Variants in NHSL1 observed in about 807,000 individuals in gnomAD.
The protein encoded by NHSL1 is NHS like 1.
A neutral mutation model predicts 95.0 loss-of-function variants in NHSL1; 48 were observed. That is an observed-to-expected ratio of 0.51 (90% CI 0.40 to 0.64). The LOEUF is 0.64. Among genes scored for constraint, NHSL1 ranks in the 30% least tolerant of loss-of-function variants. The pLI is 0.00. For synonymous variants in NHSL1, 783 were observed against 833.9 expected (o/e 0.94, Z 1.05); for missense variants, 1,971 against 2,077.7 (o/e 0.95, Z 1.00).
intron 1 of NHSL1, among the ~76,000 whole-genome samples, chr6:138,680,551 T>C (rs1785499753): frequency 6.6e-6 from 1 of 152,224 alleles, no homozygotes; most frequent in African/African-American, 2.4e-5. Context: ...AGAAAATGCC[T>C]ACTTTTAAAT....
chr6:138,667,890 G>A (rs1330492415), intron 1 of NHSL1, among the ~76,000 whole-genome samples: 1 of 152,156 alleles, frequency 6.6e-6, no homozygotes, highest in Non-Finnish European at 1.5e-5. Context: ...ATATCTGAGG[G>A]TTAGGACTAC....
At chr6:138,609,365 G>A (rs948017975) in intron 1 of NHSL1, among the ~76,000 whole-genome samples, 3 of 152,140 alleles carry the variant, frequency 2.0e-5, no homozygotes, top group East Asian at 1.9e-4. Flanking sequence ...TGGGGCTCAC[G>A]CACAGCCCAA....
intron 3 of NHSL1, among the ~76,000 whole-genome samples, chr6:138,470,378 T>G (rs1778673916): frequency 6.6e-6 from 1 of 152,088 alleles, no homozygotes; most frequent in South Asian, 2.1e-4. Context: ...TAGCCTTGAC[T>G]TCCCGGGCTT....
At chr6:138,591,051 GA>G (rs1784216799) in intron 1 of NHSL1, among the ~76,000 whole-genome samples, 1 of 152,102 alleles carries the variant, frequency 6.6e-6, no homozygotes. Flanking sequence ...CTCCTCTCAA[GA>G]AAAAGAACAG....
rs1775159019 is a variant in NHSL1 at position 138,424,890 on chromosome 6, C to T, written c.4086-74G>A. 5.0e-6 allele frequency: 6 copies of T among 1,189,348 alleles called. No individual in the cohort carries two copies. The highest frequency in any genetic ancestry group is 7.0e-6 in the Non-Finnish European group (6 of 857,554). The allele number at this position is 1,189,348 out of a possible 1,614,324, so 73.7% of individuals were successfully genotyped here. A position where few individuals can be genotyped will look rare whatever the true frequency, so the allele number is the denominator to read the frequency against. On this transcript the variant is annotated intron_variant, in intron 7 of 7. Transcript: ENST00000343505. This position sits in a 1 kb window ranked among gnomAD's most constrained non-coding sequence, Gnocchi z 5.9. Reference sequence around the variant, plus strand: ...GGCTGTCAGCCACAACCACTCTGCTCTTATCGCATCTTCAGGTCACCATCT... The same window carrying T: ...GGCTGTCAGCCACAACCACTCTGCTTTTATCGCATCTTCAGGTCACCATCT...
At chr6:138,505,337 A>T in intron 1 of NHSL1, among the ~76,000 whole-genome samples, 1 of 152,228 alleles carries the variant, frequency 6.6e-6, no homozygotes, top group Non-Finnish European at 1.5e-5. Flanking sequence ...CGAATTAGAT[A>T]AAATTTGAAT....
At position 138,509,246 on chromosome 6, in the gene NHSL1, T is replaced by G. The variant is rs1156529508; in HGVS notation, c.17-12875A>C. Among the ~76,000 whole-genome samples the G allele has an allele frequency of 3.3e-5, 5 of 152,224 alleles. 1 individual carries two copies. The highest frequency in any genetic ancestry group is 4.1e-4 in the South Asian group (2 of 4,836). ...ATTCAAACAATGAATCGAAATTTTA[T>G]AGAAAAAAATTGATGCAACCTTTCT... On this transcript the variant is annotated intron_variant, in intron 1 of 4. Coordinates refer to the NHSL1 transcript ENST00000342260.
upstream of NHSL1, among the ~76,000 whole-genome samples, chr6:138,547,526 G>A (rs1045985597): frequency 6.6e-6 from 1 of 152,110 alleles, no homozygotes; most frequent in Non-Finnish European, 1.5e-5. Flanking sequence ...GATTACAGGC[G>A]CCCGCCGCCA....
chr6:138,496,181 A>G lies in NHSL1; in HGVS notation c.211+38T>C, dbSNP rs915435586. ...CAAATTTATGCTCTCAGCAGCCAGT[A>G]ACCCAAGAAAATAAGCTCACAGAGG... On this transcript the variant is annotated intron_variant, in intron 2 of 7. Transcript: ENST00000343505. The G allele has an allele frequency of 1.9e-6, 3 of 1,548,886 alleles. No individual in the cohort carries two copies. In the African/African-American group the frequency reaches 4.1e-5, roughly 21 times the overall value.
chr6:138,674,877 A>G (rs1431771669), intron 1 of NHSL1, among the ~76,000 whole-genome samples: 1 of 152,052 alleles, frequency 6.6e-6, no homozygotes, highest in Non-Finnish European at 1.5e-5. Context: ...ACTTCTGGCC[A>G]TCATCCATTT....
chr6:138,577,585 T>C (rs1783990852), intron 1 of NHSL1, among the ~76,000 whole-genome samples: 1 of 152,170 alleles, frequency 6.6e-6, no homozygotes, highest in Admixed American at 6.5e-5. Flanking sequence ...CTACTCTCAA[T>C]GGTGTCACGT....
At chr6:138,493,171 C>T (rs1335850496) in intron 2 of NHSL1, among the ~76,000 whole-genome samples, 1 of 152,162 alleles carries the variant, frequency 6.6e-6, no homozygotes, top group African/African-American at 2.4e-5. Context: ...CCTTCCCAAC[C>T]ACAGTTCATA....
intron 1 of NHSL1, among the ~76,000 whole-genome samples, chr6:138,516,268 G>A (rs1317392223): frequency 6.6e-6 from 1 of 152,178 alleles, no homozygotes; most frequent in Non-Finnish European, 1.5e-5. Context: ...CAAAACCTGG[G>A]TGCCAGCTTT....
At chr6:138,502,478 G>GAA (rs1176537828), upstream of NHSL1, among the ~76,000 whole-genome samples, 3 of 142,484 alleles carry the variant, frequency 2.1e-5, no homozygotes, top group Non-Finnish European at 4.6e-5. Flanking sequence ...GACAGTGGCG[G>GAA]AAAAAAAAAA....
intron 1 of NHSL1, among the ~76,000 whole-genome samples, chr6:138,671,751 T>C (rs1041727688): frequency 2.0e-5 from 3 of 151,902 alleles, no homozygotes; most frequent in Admixed American, 6.6e-5. Flanking sequence ...CACATAGAAA[T>C]ATACACACCC....
At chr6:138,673,317 GA>G (rs202133946) in intron 1 of NHSL1, among the ~76,000 whole-genome samples, 3,531 of 113,112 alleles carry the variant, frequency 0.031, 76 homozygotes, top group East Asian at 0.13. Context: ...TATTTAACCA[GA>G]AAAAAAAAAA....
intron 1 of NHSL1, among the ~76,000 whole-genome samples, chr6:138,537,940 G>C (rs1385794697): frequency 2.0e-5 from 3 of 152,116 alleles, no homozygotes; most frequent in Admixed American, 6.5e-5. Context: ...GAGTTTCCTG[G>C]GGGTAGGAAC....
intron 1 of NHSL1, among the ~76,000 whole-genome samples, chr6:138,583,887 C>T (rs1159530017): frequency 1.3e-5 from 2 of 152,224 alleles, no homozygotes; most frequent in African/African-American, 4.8e-5. Context: ...TCACTTGAGG[C>T]CAGGAGTAGG....
Position 138,432,194 on chromosome 6 carries a change from G to A in NHSL1, c.2151C>T (p.Gly717=), listed in dbSNP as rs777336082. The change falls in exon 6 of 8, where the codon GGC becomes GGT. Residue 717 remains glycine (G), a synonymous_variant. Coordinates refer to ENST00000343505, the MANE Select transcript of NHSL1 (RefSeq NM_001144060.2). The surrounding 1 kb of genome is among the most constrained non-coding windows in gnomAD (Gnocchi z 4.4). ...TGCAGGGGCTCTGGGAGGGCGAGCTGCCACTCTTGCCTGGGAGGCTCAGCT... is the reference window on the plus strand; with the variant it reads ...TGCAGGGGCTCTGGGAGGGCGAGCTACCACTCTTGCCTGGGAGGCTCAGCT... ...SLQLSLPGKS[G]SSPSQSPCSD... 2 of 1,546,506 alleles carry A rather than the reference G, an allele frequency of 1.3e-6. No homozygotes were observed. The highest frequency in any genetic ancestry group is 8.7e-7 in the Non-Finnish European group (1 of 1,144,196).
Sources: gnomAD v4.1 joint callset for allele counts (sites outside exome capture counted in the v4.1 genomes callset) on GRCh38, gnomAD v4.1.1 for gene constraint, Gnocchi (gnomAD v3.1) non-coding constraint, MANE v1.5 for transcripts, NCBI Gene and HGNC (gene_info 2026-07-23, HGNC 2026-07-21) for gene names.